The following TBCD variants were observed in gnomAD, a reference collection of about 807,000 sequenced individuals.
TBCD encodes the protein tubulin-specific chaperone D.
In TBCD, 105 loss-of-function variants were observed where a neutral mutation model predicts 169.3. The observed-to-expected ratio is 0.62, with a 90% confidence interval of 0.53 to 0.73. The LOEUF is 0.73. Ranked by LOEUF, TBCD falls within the 30% of genes least tolerant of loss-of-function variation. TBCD has a pLI of 0.00. For synonymous variants in TBCD, 700 were observed against 643.9 expected, an observed-to-expected ratio of 1.09 and a Z score of -1.32; for missense variants, 1,444 against 1,600.1, an observed-to-expected ratio of 0.90 and a Z score of 1.66.
rs1265211959 is a variant in TBCD, at chr17:82,759,894, T to G, written c.235+3679T>G. 4.0e-3 allele frequency among the ~76,000 whole-genome samples: 598 copies of G among 150,186 alleles called. 3 individuals carry two copies. The highest frequency in any genetic ancestry group is 6.3e-3 in the Non-Finnish European group (424 of 67,380). Reference sequence around the variant, plus strand: ...TGGGTCATTTCGTTTGTTTGTTTTTTTTTTTTTTTTGAGATGGAGTCTCGC... The same window carrying G: ...TGGGTCATTTCGTTTGTTTGTTTTTGTTTTTTTTTTGAGATGGAGTCTCGC... On this transcript the variant is annotated intron_variant, in intron 2 of 38. Transcript: ENST00000355528.
In TBCD at chr17:82,942,484, C is replaced by T. The variant is rs1271225812; in HGVS notation, c.*21C>T. On this transcript the variant is annotated 3_prime_UTR_variant, in exon 39 of 39. Coordinates refer to ENST00000355528, the MANE Select transcript of TBCD (RefSeq NM_005993.5). ...GCTGAAGCCAGTCCTGGAGCCCATACCTCACCCCTGCCTGGTGAGGATGTC... is the reference window on the plus strand; with the variant it reads ...GCTGAAGCCAGTCCTGGAGCCCATATCTCACCCCTGCCTGGTGAGGATGTC... The T allele has an allele frequency of 6.2e-7, 1 of 1,613,956 alleles. No homozygotes were observed. Among genetic ancestry groups the T allele is most frequent in the Non-Finnish European group, 8.5e-7 (1 of 1,179,886 alleles).
rs1192475214 is a variant in TBCD at position 82,942,515 on chromosome 17, C to T, written c.*52C>T. The T allele has an allele frequency of 1.2e-6, 2 of 1,613,486 alleles. No homozygotes were observed. On this transcript the variant is annotated 3_prime_UTR_variant, in exon 39 of 39. Coordinates refer to ENST00000355528, the MANE Select transcript of TBCD (RefSeq NM_005993.5). ...CCCTGCCTGGTGAGGATGTCTTGTT[C>T]CTGAGGGAGGCCGGTGTGGAAAGCC... is the stretch of plus-strand genomic sequence containing the variant.
chr17:82,828,836 C>G (rs2053200080), intron 13 of TBCD, among the ~76,000 whole-genome samples: 1 of 150,464 alleles, frequency 6.6e-6, no homozygotes, highest in Non-Finnish European at 1.5e-5. Flanking sequence ...CACGCCTAAT[C>G]AGATGTGTAC....
chr17:82,875,187 CT>C (rs1195591969), intron 14 of TBCD, among the ~76,000 whole-genome samples: 1 of 152,186 alleles, frequency 6.6e-6, no homozygotes, highest in African/African-American at 2.4e-5. Context: ...TCGTAGGTAA[CT>C]TTTACCATGT....
intron 14 of TBCD, among the ~76,000 whole-genome samples, chr17:82,883,665 G>T (rs2058525875): frequency 6.6e-6 from 1 of 152,260 alleles, no homozygotes; most frequent in African/African-American, 2.4e-5. Flanking sequence ...TAGGCTCTGT[G>T]CATGGCGTGG....
At chr17:82,929,676 T>C (rs2062040539) in intron 32 of TBCD, 176 bp downstream of exon 32, 1 of 871,492 alleles carries the variant, frequency 1.1e-6, no homozygotes, top group Non-Finnish European at 1.8e-6. Flanking sequence ...CCCAGGAGGC[T>C]TAGGGCCTGT....
chr17:82,807,634 A>G lies in TBCD; in HGVS notation c.1114A>G (p.Lys372Glu). The G allele has an allele frequency of 6.4e-7, 1 of 1,555,952 alleles. No homozygotes were observed. The highest frequency in any genetic ancestry group is 1.2e-5 in the South Asian group (1 of 82,042). ...IEQLLVGLKDKDTVVRWSAAK... is the reference protein window; with the variant it reads ...IEQLLVGLKDEDTVVRWSAAK... Reference sequence around the variant, plus strand: ...GCAGCTGCTGGTCGGGCTGAAGGACAAGGACACGGTCGTGCGGTGGTCTGC... The same window carrying G: ...GCAGCTGCTGGTCGGGCTGAAGGACGAGGACACGGTCGTGCGGTGGTCTGC... The change falls in exon 11 of 39, where the codon AAG (lysine) becomes GAG (glutamate). Residue 372 changes from lysine (K) to glutamate (E), a missense_variant. By Grantham distance (56) the Lys-to-Glu change is moderately conservative. Coordinates refer to ENST00000355528, the MANE Select transcript of TBCD (RefSeq NM_005993.5).
chr17:82,844,213 G>GTGTGTGTGTGTGTGTGTGTGTGTGTA (rs1430282780), intron 13 of TBCD, among the ~76,000 whole-genome samples: 1 of 147,686 alleles, frequency 6.8e-6, no homozygotes, highest in East Asian at 2.0e-4. Context: ...CTCCGTGTGT[G>GTGTGTGTGTGTGTGTGTGTGTGTGTA]TGTGTGTGTG....
At chr17:82,799,201 T>C (rs1395709828) in intron 8 of TBCD, among the ~76,000 whole-genome samples, 1 of 152,062 alleles carries the variant, frequency 6.6e-6, no homozygotes, top group South Asian at 2.1e-4. Context: ...TCCCAGCGCT[T>C]TGGGAGGCTG....
At chr17:82,760,408 T>C (rs571556947) in intron 2 of TBCD, among the ~76,000 whole-genome samples, 1 of 152,354 alleles carries the variant, frequency 6.6e-6, no homozygotes, top group East Asian at 1.9e-4. Context: ...ACATCTTTTG[T>C]GTTCCTCAGT....
chr17:82,777,552 CG>C (rs957121048), intron 6 of TBCD, among the ~76,000 whole-genome samples: 14 of 152,260 alleles, frequency 9.2e-5, no homozygotes, highest in African/African-American at 3.4e-4. Flanking sequence ...GTCCACTGGA[CG>C]GGGGGCCCTT....
intron 14 of TBCD, among the ~76,000 whole-genome samples, chr17:82,872,152 G>A (rs1261341742): frequency 8.5e-5 from 13 of 152,336 alleles, no homozygotes; most frequent in South Asian, 8.3e-4. Context: ...GAGAGGAGCC[G>A]AGGGTCCTCC....
intron 21 of TBCD, 121 bp from the exon 22 acceptor site, chr17:82,909,164 C>T: frequency 1.2e-6 from 1 of 815,746 alleles, no homozygotes; most frequent in Non-Finnish European, 1.9e-6. Flanking sequence ...CTAGGCGGCT[C>T]TCCTGGCTGG....
At chr17:82,895,627 T>C (rs2059420592) in intron 17 of TBCD, among the ~76,000 whole-genome samples, 1 of 151,968 alleles carries the variant, frequency 6.6e-6, no homozygotes, top group Admixed American at 6.5e-5. Flanking sequence ...CCTGGAGGTG[T>C]GCCCGCTGGA....
intron 12 of TBCD, among the ~76,000 whole-genome samples, chr17:82,812,788 G>A (rs893088658): frequency 6.6e-6 from 1 of 152,140 alleles, no homozygotes; most frequent in Non-Finnish European, 1.5e-5. Context: ...TGATCAGCCC[G>A]CCTCGGCCTC....
rs1285799452 is a variant in TBCD, at chr17:82,924,934, T to C, written c.2261-5T>C. 4 of 1,556,610 alleles carry C rather than the reference T, an allele frequency of 2.6e-6. No homozygotes were observed. The highest frequency in any genetic ancestry group is 1.7e-4 in the Middle Eastern group (1 of 6,022). On this transcript the variant is annotated splice_polypyrimidine_tract_variant and splice_region_variant and intron_variant, in intron 26 of 38. Coordinates refer to ENST00000355528, the MANE Select transcript of TBCD (RefSeq NM_005993.5). ...CCTCTCTTCACACTCGTTGCTTCCT[T>C]TCAGAGGAGCTGATCACGCAGTACC...
chr17:82,838,364 G>A (rs1000823849), intron 13 of TBCD, among the ~76,000 whole-genome samples: 1 of 151,970 alleles, frequency 6.6e-6, no homozygotes, highest in Non-Finnish European at 1.5e-5. Flanking sequence ...AGGACACAGC[G>A]GAAGTAATTA....
chr17:82,769,201 G>C (rs2048178363), intron 5 of TBCD, among the ~76,000 whole-genome samples: 1 of 152,176 alleles, frequency 6.6e-6, no homozygotes, highest in South Asian at 2.1e-4. Flanking sequence ...ACATGGGCAG[G>C]CTTTGCCCCA....
intron 6 of TBCD, among the ~76,000 whole-genome samples, chr17:82,773,026 C>T (rs748293423): frequency 2.6e-5 from 4 of 152,156 alleles, no homozygotes; most frequent in African/African-American, 9.7e-5. Flanking sequence ...ACTGAGCGAA[C>T]CTGTTTCATG....
Sources: allele counts gnomAD v4.1 joint callset (sites outside exome capture counted in the v4.1 genomes callset), GRCh38; gene constraint gnomAD v4.1.1; transcripts MANE v1.5; gene names NCBI Gene and HGNC (gene_info 2026-07-23, HGNC 2026-07-21).